MACROD2: variants seen among roughly 807,000 people sequenced by gnomAD.
MACROD2 encodes mono-ADP ribosylhydrolase 2, also known as ADP-ribose glycohydrolase MACROD2.
Under a neutral mutation model 70.4 loss-of-function variants are expected in MACROD2, and 36 were observed. That is an observed-to-expected ratio of 0.51 (90% CI 0.39 to 0.68). MACROD2 has a LOEUF of 0.68. MACROD2 is among the 30% of genes least tolerant of loss of function. The pLI is 0.00. For missense variants in MACROD2, 496 were observed against 538.4 expected (o/e 0.92, Z 0.78); for synonymous variants, 172 against 178.8 (o/e 0.96, Z 0.30).
intron 2 of MACROD2, among the ~76,000 whole-genome samples, chr20:14,010,841 TTGAC>T (rs1406682361): frequency 6.6e-6 from 1 of 152,190 alleles, no homozygotes; most frequent in Non-Finnish European, 1.5e-5. Flanking sequence ...ATTTCCTTGA[TTGAC>T]TGTGTCATAA....
At chr20:14,028,462 T>A (rs981941939) in intron 2 of MACROD2, among the ~76,000 whole-genome samples, 2 of 152,102 alleles carry the variant, frequency 1.3e-5, no homozygotes, top group African/African-American at 4.8e-5. Flanking sequence ...CAGGCGCCAC[T>A]GGGGTATGAA....
intron 3 of MACROD2, among the ~76,000 whole-genome samples, chr20:14,201,614 G>C (rs995815184): frequency 1.3e-5 from 2 of 151,998 alleles, no homozygotes; most frequent in Non-Finnish European, 1.5e-5. Context: ...GGCCGAGGTG[G>C]GTGGCTCACG....
intron 6 of MACROD2, among the ~76,000 whole-genome samples, chr20:15,264,423 G>A (rs946290302): frequency 6.6e-6 from 1 of 152,108 alleles, no homozygotes; most frequent in African/African-American, 2.4e-5. Flanking sequence ...GAGTAGACAG[G>A]TTAATAGGAG....
At chr20:14,178,266 G>C (rs2081279034) in intron 3 of MACROD2, among the ~76,000 whole-genome samples, 1 of 152,098 alleles carries the variant, frequency 6.6e-6, no homozygotes, top group Non-Finnish European at 1.5e-5. Context: ...ACTCTGATTG[G>C]ATCATTATAC....
chr20:15,936,510 T>C (rs2065663976), intron 11 of MACROD2, among the ~76,000 whole-genome samples: 1 of 146,828 alleles, frequency 6.8e-6, no homozygotes, highest in South Asian at 2.1e-4. Flanking sequence ...ATATATACTC[T>C]ATATATACAC....
At position 16,024,773 on chromosome 20, in the gene MACROD2, A is replaced by AG. The variant is rs2067054433; in HGVS notation, c.1154-16423dup. Among the ~76,000 whole-genome samples, 4 of 152,308 alleles carry AG rather than the reference A, an allele frequency of 2.6e-5. 1 individual carries two copies. The South Asian group carries it at 8.3e-4, about 32-fold the overall frequency. ...AAAGGAAGCCACAGGGCAAAGGGGG[A>AG]GGGGGTGTTCCTGCTTCTAGCTGCA... On this transcript the variant is annotated intron_variant, in intron 15 of 17. Coordinates refer to ENST00000684519, the MANE Select transcript of MACROD2 (RefSeq NM_001351661.2).
At chr20:14,859,298 G>T (rs531624316) in intron 5 of MACROD2, among the ~76,000 whole-genome samples, 1 of 152,136 alleles carries the variant, frequency 6.6e-6, no homozygotes, top group African/African-American at 2.4e-5. Context: ...GTTAATTATA[G>T]AAAGTGTTCT....
At chr20:15,176,768 C>A (rs1252834006) in intron 5 of MACROD2, among the ~76,000 whole-genome samples, 1 of 152,164 alleles carries the variant, frequency 6.6e-6, no homozygotes, top group African/African-American at 2.4e-5. Flanking sequence ...CTGAAACATG[C>A]TCCCCCTCCT....
intron 15 of MACROD2, among the ~76,000 whole-genome samples, chr20:16,009,104 A>G (rs1178656051): frequency 1.3e-5 from 2 of 152,110 alleles, no homozygotes; most frequent in Admixed American, 1.3e-4. Flanking sequence ...CTCTGTCCCC[A>G]TGAAGAATTG....
intron 2 of MACROD2, among the ~76,000 whole-genome samples, chr20:14,078,559 A>C (rs2053947308): frequency 6.6e-6 from 1 of 152,024 alleles, no homozygotes; most frequent in South Asian, 2.1e-4. Context: ...GGCGCCTACC[A>C]CCACGCCTGG....
At chr20:15,108,954 GCACAGTTATTAC>G (rs2075933414) in intron 5 of MACROD2, among the ~76,000 whole-genome samples, 1 of 152,188 alleles carries the variant, frequency 6.6e-6, no homozygotes, top group East Asian at 1.9e-4. Flanking sequence ...GTCCAGATCT[GCACAGTTATTAC>G]CACAGTTATT....
chr20:15,127,571 T>G (rs1303243724), intron 5 of MACROD2, among the ~76,000 whole-genome samples: 1 of 152,078 alleles, frequency 6.6e-6, no homozygotes, highest in Admixed American at 6.6e-5. Context: ...AGGCTCTATT[T>G]CAAGGCTTAC....
At position 15,000,629 on chromosome 20, in the gene MACROD2, CAAAAAAAAAAAA is replaced by C. The variant is rs398040701; in HGVS notation, c.419-229290_419-229279del. Among the ~76,000 whole-genome samples, 161 of 21,978 alleles carry C rather than the reference CAAAAAAAAAAAA, an allele frequency of 7.3e-3. 2 individuals carry two copies. The highest frequency in any genetic ancestry group is 0.03 in the African/African-American group (124 of 4,158). 14.4% of individuals were successfully genotyped at this position (21,978 alleles called of 152,430 possible). A position where few individuals can be genotyped will look rare whatever the true frequency, so the allele number is the denominator to read the frequency against. Reference sequence around the variant, plus strand: ...TGGGCGACAGAGCGAGACTCCGTCTCAAAAAAAAAAAAAAAAAAAAAAAAAAAAAAAAGAGGT... The same window carrying C: ...TGGGCGACAGAGCGAGACTCCGTCTCAAAAAAAAAAAAAAAAAAAAGAGGT... On this transcript the variant is annotated intron_variant, in intron 5 of 17. Transcript: ENST00000684519.
intron 3 of MACROD2, among the ~76,000 whole-genome samples, chr20:14,484,672 ATAAG>A (rs1202846412): frequency 1.3e-5 from 2 of 152,154 alleles, no homozygotes; most frequent in African/African-American, 4.8e-5. Context: ...GCTCCCACAA[ATAAG>A]TGAGAACATG....
At chr20:14,850,773 G>C (rs1319145355) in intron 5 of MACROD2, among the ~76,000 whole-genome samples, 3 of 152,126 alleles carry the variant, frequency 2.0e-5, no homozygotes, top group Non-Finnish European at 4.4e-5. Context: ...AGTCAGAATG[G>C]AAGACAACGG....
chr20:14,209,745 G>C (rs1470106222), intron 3 of MACROD2, among the ~76,000 whole-genome samples: 1 of 152,100 alleles, frequency 6.6e-6, no homozygotes, highest in African/African-American at 2.4e-5. Flanking sequence ...AGCATGGGGG[G>C]TTTTGTCTAG....
chr20:14,697,292 A>T (rs1257814407), intron 5 of MACROD2, among the ~76,000 whole-genome samples: 7 of 152,222 alleles, frequency 4.6e-5, no homozygotes, highest in African/African-American at 1.4e-4. Context: ...CTATTGCCTG[A>T]GAAGAACGAT....
chr20:14,950,591 G>A (rs2074467900), intron 5 of MACROD2, among the ~76,000 whole-genome samples: 1 of 152,104 alleles, frequency 6.6e-6, no homozygotes, highest in Non-Finnish European at 1.5e-5. Context: ...ATTTTGTTTT[G>A]TTAGGTTTGT....
intron 12 of MACROD2, among the ~76,000 whole-genome samples, chr20:15,951,237 C>T (rs753171664): frequency 7.9e-5 from 12 of 151,554 alleles, no homozygotes; most frequent in Non-Finnish European, 1.5e-4. Context: ...ATGTTTTGCT[C>T]TGACTCTTTT....
Sources: gnomAD v4.1 joint callset for allele counts (sites outside exome capture counted in the v4.1 genomes callset) on GRCh38, gnomAD v4.1.1 for gene constraint, MANE v1.5 for transcripts, NCBI Gene and HGNC (gene_info 2026-07-23, HGNC 2026-07-21) for gene names.